The following CCSER1 variants were observed in gnomAD, a reference collection of about 807,000 sequenced individuals.
The protein encoded by CCSER1 is coiled-coil serine rich protein 1, also known as serine-rich coiled-coil domain-containing protein 1.
Under a neutral mutation model 82.0 loss-of-function variants are expected in CCSER1, and 41 were observed. The ratio of observed to expected loss-of-function variants is 0.50; its 90% CI spans 0.39 to 0.65. The LOEUF (loss-of-function observed/expected upper bound fraction) is 0.65. Among genes scored for constraint, CCSER1 ranks in the 30% least tolerant of loss-of-function variants. CCSER1 has a pLI of 0.00. For missense variants in CCSER1, 1,119 were observed against 1,064.2 expected (o/e 1.05, Z -0.72); for synonymous variants, 414 against 383.9 (o/e 1.08, Z -0.92).
intron 9 of CCSER1, among the ~76,000 whole-genome samples, chr4:91,042,742 G>T (rs1341431251): frequency 6.6e-6 from 1 of 152,028 alleles, no homozygotes; most frequent in Non-Finnish European, 1.5e-5. Flanking sequence ...ACCAATAGAA[G>T]AATGAATTTC....
chr4:90,977,646 A>G (rs1735727757), intron 9 of CCSER1, among the ~76,000 whole-genome samples: 2 of 151,608 alleles, frequency 1.3e-5, no homozygotes, highest in South Asian at 4.1e-4. Flanking sequence ...TTTCTCTGTG[A>G]AGCATCTTCA....
chr4:91,357,359 A>C (rs1419972859), intron 10 of CCSER1, among the ~76,000 whole-genome samples: 1 of 152,136 alleles, frequency 6.6e-6, no homozygotes, highest in Non-Finnish European at 1.5e-5. Flanking sequence ...TAGACTCTTT[A>C]ATCTTTTATA....
chr4:90,377,035 C>T lies in CCSER1; in HGVS notation c.1510-23001C>T, dbSNP rs145411811. ...CATGTGCAAGTATCATCTAGTTCTT[C>T]GTGTTTACCTGTGAAAATGGCACTC... is the stretch of plus-strand genomic sequence containing the variant. On this transcript the variant is annotated intron_variant, in intron 3 of 10. Transcript: ENST00000509176. 6.6e-3 allele frequency among the ~76,000 whole-genome samples: 1,010 copies of T among 152,200 alleles called. 8 individuals are homozygous for T. Among genetic ancestry groups the T allele is most frequent in the African/African-American group, 0.023 (939 of 41,538 alleles).
At chr4:91,186,813 T>C (rs1734584641) in intron 10 of CCSER1, among the ~76,000 whole-genome samples, 1 of 152,264 alleles carries the variant, frequency 6.6e-6, no homozygotes, top group South Asian at 2.1e-4. Context: ...AAGGCACAGA[T>C]TGCTCATGCT....
At chr4:90,338,732 A>G (rs13112637) in intron 3 of CCSER1, among the ~76,000 whole-genome samples, 47,138 of 152,084 alleles carry the variant, frequency 0.31, 8,181 homozygotes, top group African/African-American at 0.46. Context: ...TAAAATTACT[A>G]ATTTTAGTGA....
chr4:91,481,933 AAAC>A (rs1282633619), intron 10 of CCSER1, among the ~76,000 whole-genome samples: 1 of 152,076 alleles, frequency 6.6e-6, no homozygotes, highest in Admixed American at 6.6e-5. Context: ...TACAAGAAAA[AAAC>A]AACCCCATCA....
intron 8 of CCSER1, among the ~76,000 whole-genome samples, chr4:90,822,513 G>A (rs1410106008): frequency 6.6e-6 from 1 of 152,114 alleles, no homozygotes; most frequent in Non-Finnish European, 1.5e-5. Flanking sequence ...CGAATCACGA[G>A]GTCAGGAGTT....
intron 8 of CCSER1, among the ~76,000 whole-genome samples, chr4:90,922,479 A>G (rs1232098933): frequency 6.6e-6 from 1 of 152,126 alleles, no homozygotes; most frequent in Admixed American, 6.6e-5. Flanking sequence ...TAACCATTCA[A>G]AAGAAAAGAA....
chr4:91,424,306 C>T (rs903454480), intron 10 of CCSER1, among the ~76,000 whole-genome samples: 3 of 151,982 alleles, frequency 2.0e-5, no homozygotes, highest in African/African-American at 4.8e-5. Context: ...CGTGAGCCAC[C>T]GCGCCCGGCC....
intron 10 of CCSER1, among the ~76,000 whole-genome samples, chr4:91,537,620 T>C (rs1560746642): frequency 1.3e-5 from 2 of 152,000 alleles, no homozygotes; most frequent in South Asian, 2.1e-4. Context: ...TTAGGGACCA[T>C]AGCAAAACTA....
At chr4:91,386,194 A>G (rs887607115) in intron 10 of CCSER1, among the ~76,000 whole-genome samples, 1 of 151,832 alleles carries the variant, frequency 6.6e-6, no homozygotes, top group African/African-American at 2.4e-5. Context: ...CAAGAGTCCA[A>G]GGTAAGCCTG....
intron 5 of CCSER1, among the ~76,000 whole-genome samples, chr4:90,582,173 T>A (rs1412244567): frequency 6.6e-6 from 1 of 152,160 alleles, no homozygotes; most frequent in African/African-American, 2.4e-5. Context: ...TAAATCATAT[T>A]GTTAGCGTAA....
chr4:90,379,486 A>G (rs528873773), intron 3 of CCSER1, among the ~76,000 whole-genome samples: 1 of 152,304 alleles, frequency 6.6e-6, no homozygotes, highest in Non-Finnish European at 1.5e-5. Flanking sequence ...GAACTTGTCA[A>G]GGAGCTTGGG....
chr4:91,598,863 G>C lies in CCSER1; in HGVS notation c.2509G>C (p.Glu837Gln), dbSNP rs374138135. ...CTCTCTGAAGCCAACAGCTAAGACA[G>C]AAGGGCTCTCCACGTTCTTAGAGAA... Reference protein sequence around the residue: ...QSSLKPTAKTEGLSTFLEKPK... With the variant: ...QSSLKPTAKTQGLSTFLEKPK... Residue 837 changes from glutamate to glutamine, a missense_variant, in exon 11 of 11, where the codon GAA becomes CAA. Glu to Gln is a conservative substitution (Grantham distance 29). Coordinates refer to ENST00000509176, the MANE Select transcript of CCSER1 (RefSeq NM_001145065.2). 10 of 1,551,640 alleles carry C rather than the reference G, an allele frequency of 6.4e-6. 1 individual carries two copies. In the South Asian group the frequency reaches 1.2e-4, roughly 18 times the overall value.
intron 5 of CCSER1, among the ~76,000 whole-genome samples, chr4:90,606,637 T>G (rs1432649145): frequency 1.3e-5 from 2 of 152,200 alleles, no homozygotes; most frequent in African/African-American, 4.8e-5. Flanking sequence ...TTCACCTTTA[T>G]TTTGAAGTAC....
chr4:90,992,365 A>T (rs1335295290), intron 9 of CCSER1, among the ~76,000 whole-genome samples: 2 of 152,096 alleles, frequency 1.3e-5, no homozygotes, highest in Non-Finnish European at 2.9e-5. Context: ...AAATTAAATT[A>T]TAGATATCTT....
intron 8 of CCSER1, among the ~76,000 whole-genome samples, chr4:90,869,794 T>C (rs1333311484): frequency 6.6e-6 from 1 of 151,914 alleles, no homozygotes; most frequent in East Asian, 1.9e-4. Flanking sequence ...TTGCTTTAGC[T>C]AGTATGGACA....
chr4:91,072,684 G>C (rs1721558135), intron 9 of CCSER1, among the ~76,000 whole-genome samples: 2 of 151,982 alleles, frequency 1.3e-5, no homozygotes, highest in Admixed American at 1.3e-4. Flanking sequence ...GAGATACTCT[G>C]GGCTCAGTAT....
At chr4:90,490,466 G>C (rs1471601088) in intron 5 of CCSER1, among the ~76,000 whole-genome samples, 2 of 152,102 alleles carry the variant, frequency 1.3e-5, no homozygotes, top group African/African-American at 4.8e-5. Flanking sequence ...CTCCCATTCT[G>C]TAGGTTGCCT....
Sources: gnomAD v4.1 joint callset for allele counts (sites outside exome capture counted in the v4.1 genomes callset) on GRCh38, gnomAD v4.1.1 for gene constraint, MANE v1.5 for transcripts, NCBI Gene and HGNC (gene_info 2026-07-23, HGNC 2026-07-21) for gene names.